Variants in MMP24 observed in about 807,000 individuals in gnomAD.
MMP24 encodes matrix metallopeptidase 24, also known as matrix metalloproteinase-24.
MMP24 carries 25 observed loss-of-function variants against 62.8 expected under a neutral mutation model. That is an observed-to-expected ratio of 0.40 (90% CI 0.29 to 0.56). The LOEUF is 0.56. Ranked by LOEUF, MMP24 falls within the 20% of genes least tolerant of loss-of-function variation. The pLI is 0.50. For synonymous variants in MMP24, 319 were observed against 350.5 expected (o/e 0.91, Z 1.00); for missense variants, 634 against 853.6 (o/e 0.74, Z 3.21).
At chr20:35,266,446 G>A (rs558329756) in intron 5 of MMP24, among the ~76,000 whole-genome samples, 29 of 151,322 alleles carry the variant, frequency 1.9e-4, no homozygotes, top group Non-Finnish European at 3.4e-4. Flanking sequence ...CTAATATGCA[G>A]CCCAAGTGAA....
chr20:35,272,388 G>A (rs2060675334), intron 8 of MMP24, among the ~76,000 whole-genome samples: 3 of 152,144 alleles, frequency 2.0e-5, no homozygotes, highest in African/African-American at 7.2e-5. Context: ...ATAGGCACAT[G>A]CCACTGTGCC....
At chr20:35,264,031 G>A (rs1012063969) in intron 5 of MMP24, 79 bp downstream of exon 5, 16 of 1,424,618 alleles carry the variant, frequency 1.1e-5, no homozygotes, top group East Asian at 2.5e-5. Flanking sequence ...GGCAGGGGAC[G>A]AGGGAGGGGG....
Position 35,271,260 on chromosome 20 carries a change from C to T in MMP24, c.1334-309C>T, listed in dbSNP as rs566398284. ...TGCTGCTCAGGTCCAGTGGGAGAGC[C>T]TCAGAGTCGGGTGTCACTGGTAGCA... On this transcript the variant is annotated intron_variant, in intron 7 of 8. Transcript: ENST00000246186. This position sits in a 1 kb window ranked among gnomAD's most constrained non-coding sequence, Gnocchi z 4.0. Among the ~76,000 whole-genome samples the T allele has an allele frequency of 3.9e-5, 6 of 152,246 alleles. No homozygotes were observed. In the East Asian group the frequency reaches 7.7e-4, roughly 20 times the overall value.
rs1254549311 is a variant in MMP24 at position 35,226,937 on chromosome 20, G to A, written c.199G>A (p.Val67Met). The change falls in exon 1 of 9, where the codon GTG becomes ATG. Residue 67 changes from valine (V) to methionine (M), a missense_variant. Val to Met is a conservative substitution (Grantham distance 21). This residue lies in a region of MMP24 where 212 missense variants were observed against 259.6 expected (regional missense o/e 0.82). Transcript: ENST00000246186. ...GGCAGGGAACCGGGCAGCGGTGGCGGTGGCGGTGGCGCGGGCGGACGAGGC... is the reference window on the plus strand; with the variant it reads ...GGCAGGGAACCGGGCAGCGGTGGCGATGGCGGTGGCGCGGGCGGACGAGGC... ...AGAGNRAAVA[V>M]AVARADEAEA... is the part of the protein sequence containing the mutation. The A allele has an allele frequency of 1.5e-5, 15 of 980,526 alleles. No individual in the cohort carries two copies. In the East Asian group the frequency reaches 5.8e-4, roughly 38 times the overall value. 60.7% of individuals were successfully genotyped at this position (980,526 alleles called of 1,614,324 possible). A position where few individuals can be genotyped will look rare whatever the true frequency, so the allele number is the denominator to read the frequency against.
chr20:35,274,538 T>C lies in MMP24; in HGVS notation c.1867T>C (p.Phe623Leu). The change falls in exon 9 of 9, where the codon TTC becomes CTC. Residue 623 changes from phenylalanine to leucine, a missense_variant. Physicochemically the swap from Phe to Leu is conservative, Grantham distance 22 (BLOSUM62 0). This residue lies in a region of MMP24 where 399 missense variants were observed against 530.8 expected (regional missense o/e 0.75). Transcript: ENST00000246186. The surrounding 1 kb of genome is among the most constrained non-coding windows in gnomAD (Gnocchi z 5.1). ...LCILVLVYTI[F>L]QFKNKTGPQP... Reference sequence around the variant, plus strand: ...CATCCTGGTGCTGGTCTACACCATCTTCCAGTTCAAGAACAAGACAGGCCC... The same window carrying C: ...CATCCTGGTGCTGGTCTACACCATCCTCCAGTTCAAGAACAAGACAGGCCC... The C allele has an allele frequency of 6.2e-7, 1 of 1,614,040 alleles. No individual in the cohort carries two copies. The highest frequency in any genetic ancestry group is 2.2e-5 in the East Asian group (1 of 44,888).
intron 1 of MMP24, among the ~76,000 whole-genome samples, chr20:35,244,292 T>A (rs1316895202): frequency 6.6e-6 from 1 of 152,142 alleles, no homozygotes; most frequent in Admixed American, 6.5e-5. Context: ...GTTATCTAGA[T>A]TCGAGCCCAG....
intron 5 of MMP24, among the ~76,000 whole-genome samples, chr20:35,265,333 T>C (rs866259044): frequency 2.0e-5 from 3 of 152,078 alleles, no homozygotes; most frequent in African/African-American, 7.2e-5. Context: ...TCCCAGCTAC[T>C]TGGGAGGCTG....
At position 35,251,887 on chromosome 20, in the gene MMP24, T is replaced by A. The variant is rs1173866571; in HGVS notation, c.396-18T>A. The A allele has an allele frequency of 6.3e-7, 1 of 1,587,936 alleles. No homozygotes were observed. Among genetic ancestry groups the A allele is most frequent in the Non-Finnish European group, 8.6e-7 (1 of 1,156,092 alleles). On this transcript the variant is annotated intron_variant, in intron 2 of 8. Transcript: ENST00000246186. ...ACCACAGTGCATATGCGTGTGTGTG[T>A]GTCCTCTCTCTGCCCAGGTGGATGA... is the stretch of plus-strand genomic sequence containing the variant.
intron 4 of MMP24, among the ~76,000 whole-genome samples, chr20:35,259,482 A>T (rs1319782279): frequency 1.3e-5 from 2 of 152,212 alleles, no homozygotes; most frequent in Non-Finnish European, 2.9e-5. Flanking sequence ...CCATAAAGGC[A>T]GTTCAGGGAA....
chr20:35,247,521 G>A (rs1168047030), intron 2 of MMP24, among the ~76,000 whole-genome samples: 1 of 152,148 alleles, frequency 6.6e-6, no homozygotes, highest in African/African-American at 2.4e-5. Context: ...ATGAGTTTTG[G>A]GGAGACACTT....
intron 1 of MMP24, among the ~76,000 whole-genome samples, chr20:35,234,929 A>G (rs2060455746): frequency 6.6e-6 from 1 of 152,194 alleles, no homozygotes; most frequent in African/African-American, 2.4e-5. Context: ...CAGGGCTGGA[A>G]AGGTGCATTG....
At chr20:35,267,508 T>G (rs962190755) in intron 6 of MMP24, 89 bp downstream of exon 6, 2 of 1,350,396 alleles carry the variant, frequency 1.5e-6, no homozygotes, top group Non-Finnish European at 2.0e-6. Flanking sequence ...GCTCCTGATT[T>G]GGGATTCGAT....
At chr20:35,251,760 G>A in intron 2 of MMP24, 145 bp from the exon 3 acceptor site, 1 of 625,702 alleles carries the variant, frequency 1.6e-6, no homozygotes, top group Non-Finnish European at 2.9e-6. Context: ...TGTTCTTGTT[G>A]GGGTCCATCC....
In MMP24 at chr20:35,263,967, G is replaced by C; in HGVS notation, c.979+15G>C. ...GAAGATCTATGGTGTGTGGCAGGGA[G>C]AGGGGGGACTGCTCCTTCCTCGGGG... On this transcript the variant is annotated intron_variant, in intron 5 of 8. Coordinates refer to ENST00000246186, the MANE Select transcript of MMP24 (RefSeq NM_006690.4). The C allele has an allele frequency of 6.3e-7, 1 of 1,587,638 alleles. No individual in the cohort carries two copies. Among genetic ancestry groups the C allele is most frequent in the Non-Finnish European group, 8.6e-7 (1 of 1,164,996 alleles).
chr20:35,267,142 G>A, intron 5 of MMP24, 63 bp from the exon 6 acceptor site: 1 of 1,373,772 alleles, frequency 7.3e-7, no homozygotes, highest in Non-Finnish European at 1.0e-6. Context: ...GGGTGATGCT[G>A]AGACTGGCAA....
Position 35,274,311 on chromosome 20 carries a change from T to C in MMP24, c.1640T>C (p.Phe547Ser). Residue 547 changes from phenylalanine to serine, a missense_variant, in exon 9 of 9, where the codon TTT becomes TCT. This residue lies in a region of MMP24 where 399 missense variants were observed against 530.8 expected (regional missense o/e 0.75). Coordinates refer to ENST00000246186, the MANE Select transcript of MMP24 (RefSeq NM_006690.4). This position sits in a 1 kb window ranked among gnomAD's most constrained non-coding sequence, Gnocchi z 5.1. ...TACAAGGGCCGGGACTACTGGAAGT[T>C]TGACAACCAGAAACTGAGCGTGGAG... ...YFYKGRDYWK[F>S]DNQKLSVEPG... The C allele has an allele frequency of 6.2e-7, 1 of 1,613,282 alleles. No individual in the cohort carries two copies. The highest frequency in any genetic ancestry group is 8.5e-7 in the Non-Finnish European group (1 of 1,179,820).
intron 1 of MMP24, 43 bp from the exon 2 acceptor site, chr20:35,246,797 C>T (rs749292714): frequency 6.2e-7 from 1 of 1,608,768 alleles, no homozygotes; most frequent in Admixed American, 1.7e-5. Flanking sequence ...AGAACAGAGC[C>T]TTTCCCAGCA....
chr20:35,236,923 A>G (rs1221231705), intron 1 of MMP24, among the ~76,000 whole-genome samples: 2 of 150,654 alleles, frequency 1.3e-5, no homozygotes, highest in Admixed American at 6.6e-5. Flanking sequence ...GCAGTGAGCC[A>G]AGATCGCACC....
In MMP24 at chr20:35,263,843, G is replaced by A. The variant is rs1217810929; in HGVS notation, c.870G>A (p.Leu290=). ...ATGAGCTGGGCCACGCGCTGGGACT[G>A]GAGCACTCCAGCGACCCCAGCGCCA... is the stretch of plus-strand genomic sequence containing the variant. ...AVHELGHALG[L]EHSSDPSAIM... The change falls in exon 5 of 9, where the codon CTG becomes CTA. Residue 290 remains leucine, a synonymous_variant. Coordinates refer to ENST00000246186, the MANE Select transcript of MMP24 (RefSeq NM_006690.4). 4 of 1,609,920 alleles carry A rather than the reference G, an allele frequency of 2.5e-6. No individual in the cohort carries two copies. Among genetic ancestry groups the A allele is most frequent in the African/African-American group, 2.7e-5 (2 of 74,954 alleles).
Sources: allele counts gnomAD v4.1 joint callset (sites outside exome capture counted in the v4.1 genomes callset), GRCh38; gene constraint gnomAD v4.1.1; regional missense constraint gnomAD v4.1.1; non-coding constraint Gnocchi (gnomAD v3.1); transcripts MANE v1.5; gene names NCBI Gene and HGNC (gene_info 2026-07-23, HGNC 2026-07-21).